Variants in APBB2 observed in about 807,000 individuals in gnomAD.
APBB2 encodes Fe65-like 1.
A neutral mutation model predicts 82.5 loss-of-function variants in APBB2; 38 were observed. The ratio of observed to expected loss-of-function variants is 0.46; its 90% CI spans 0.36 to 0.60. The LOEUF (loss-of-function observed/expected upper bound fraction) is 0.60, where lower values mean the gene tolerates loss of function less well. Ranked by LOEUF, APBB2 falls within the 20% of genes least tolerant of loss-of-function variation. The pLI is 0.00. For missense variants in APBB2, 772 were observed against 972.3 expected (o/e 0.79, Z 2.74); for synonymous variants, 341 against 368.2 (o/e 0.93, Z 0.85).
At chr4:40,981,868 G>A (rs1025066962) in intron 6 of APBB2, among the ~76,000 whole-genome samples, 2 of 152,022 alleles carry the variant, frequency 1.3e-5, no homozygotes, top group Admixed American at 6.6e-5. Flanking sequence ...AGAGGCCAAG[G>A]CAGTAGGGTT....
intron 12 of APBB2, among the ~76,000 whole-genome samples, chr4:40,831,491 C>T (rs930707578): frequency 6.6e-6 from 1 of 152,120 alleles, no homozygotes; most frequent in South Asian, 2.1e-4. Flanking sequence ...CTGAATTTCA[C>T]AGAACCCTTC....
chr4:40,894,148 C>T (rs942688450), intron 10 of APBB2, among the ~76,000 whole-genome samples: 9 of 152,050 alleles, frequency 5.9e-5, no homozygotes, highest in African/African-American at 1.7e-4. Context: ...ATTAGCCAGG[C>T]GTGGTGGTGG....
intron 6 of APBB2, among the ~76,000 whole-genome samples, chr4:40,966,043 A>G (rs1485570782): frequency 3.9e-5 from 6 of 152,260 alleles, no homozygotes; most frequent in Non-Finnish European, 8.8e-5. Flanking sequence ...AATATAACTC[A>G]TACTGAAACT....
intron 2 of APBB2, among the ~76,000 whole-genome samples, chr4:41,102,319 C>A (rs1035981467): frequency 9.9e-5 from 15 of 152,180 alleles, no homozygotes; most frequent in African/African-American, 3.6e-4. Flanking sequence ...CATTTATATA[C>A]TGTTAACTCT....
intron 12 of APBB2, among the ~76,000 whole-genome samples, chr4:40,849,275 GA>G (rs1243606051): frequency 6.6e-6 from 1 of 152,162 alleles, no homozygotes; most frequent in African/African-American, 2.4e-5. Flanking sequence ...CAAGTTCTGA[GA>G]AGATTATTAA....
intron 3 of APBB2, among the ~76,000 whole-genome samples, chr4:41,097,485 T>A (rs1743907890): frequency 6.6e-6 from 1 of 152,236 alleles, no homozygotes; most frequent in South Asian, 2.1e-4. Flanking sequence ...AAGATCCAGT[T>A]GTTTCCCTTT....
chr4:40,925,241 T>C (rs56248739), intron 10 of APBB2, among the ~76,000 whole-genome samples: 4,539 of 152,338 alleles, frequency 0.03, 197 homozygotes, highest in African/African-American at 0.092. Flanking sequence ...AACAGTATAA[T>C]GGCGAATGCA....
At chr4:41,192,457 C>CTTT (rs1266776224) in intron 1 of APBB2, among the ~76,000 whole-genome samples, 1 of 152,078 alleles carries the variant, frequency 6.6e-6, no homozygotes, top group Non-Finnish European at 1.5e-5. Flanking sequence ...ATTATTCTGC[C>CTTT]TTAAAAAAGG....
intron 4 of APBB2, among the ~76,000 whole-genome samples, chr4:41,052,390 G>C (rs1382731480): frequency 1.3e-5 from 2 of 152,128 alleles, no homozygotes; most frequent in Non-Finnish European, 2.9e-5. Flanking sequence ...CACCACACCA[G>C]TGCCTCACTC....
At chr4:40,900,129 C>T (rs559985652) in intron 10 of APBB2, among the ~76,000 whole-genome samples, 54 of 152,252 alleles carry the variant, frequency 3.5e-4, no homozygotes, top group African/African-American at 1.2e-3. Flanking sequence ...AAATGTGGCC[C>T]GACACTACAA....
At chr4:40,970,585 A>G (rs1482647645) in intron 6 of APBB2, among the ~76,000 whole-genome samples, 1 of 152,148 alleles carries the variant, frequency 6.6e-6, no homozygotes, top group East Asian at 1.9e-4. Context: ...CAGTGAGACT[A>G]GAATGCTCTG....
In APBB2 at chr4:41,127,674, T is replaced by C. The variant is rs1385186143; in HGVS notation, c.-261+15313A>G. 6.6e-6 allele frequency among the ~76,000 whole-genome samples: 1 copy of C among 152,010 alleles called. No homozygotes were observed. Among genetic ancestry groups the C allele is most frequent in the African/African-American group, 2.4e-5 (1 of 41,380 alleles). ...ACAATTCAATAAGCAAAAAAACAAA[T>C]AACTCCATTAAAAAGTGGGCAAAAG... On this transcript the variant is annotated intron_variant, in intron 2 of 17. Coordinates refer to ENST00000508593, the MANE Select transcript of APBB2 (RefSeq NM_004307.2). The surrounding 1 kb of genome is among the most constrained non-coding windows in gnomAD (Gnocchi z 4.8).
chr4:41,073,113 T>A lies in APBB2; in HGVS notation c.-148-7440A>T, dbSNP rs144441524. 1.8e-4 allele frequency among the ~76,000 whole-genome samples: 27 copies of A among 152,348 alleles called. No individual in the cohort carries two copies. In the East Asian group the frequency reaches 5.0e-3, roughly 28 times the overall value. On this transcript the variant is annotated intron_variant, in intron 3 of 17. Coordinates refer to ENST00000508593, the MANE Select transcript of APBB2 (RefSeq NM_004307.2). ...TTTTTAGACTAGGTCTTGTGCCTAG[T>A]AGTTTCTATCCAACTTTCACCACCC... is the stretch of plus-strand genomic sequence containing the variant.
chr4:41,159,955 G>GAAGAAGAAGAAGAAGAAGA (rs1764531774), intron 1 of APBB2, among the ~76,000 whole-genome samples: 1 of 48,788 alleles, frequency 2.0e-5, no homozygotes, highest in African/African-American at 8.9e-5. Flanking sequence ...GAAGGAGAAG[G>GAAGAAGAAGAAGAAGAAGA]AGAAGGAGAA....
intron 12 of APBB2, among the ~76,000 whole-genome samples, chr4:40,874,099 G>A (rs577360457): frequency 1.3e-5 from 2 of 152,254 alleles, no homozygotes; most frequent in African/African-American, 2.4e-5. Context: ...ATAAATTAAC[G>A]AGGCGAAATA....
At position 40,822,013 on chromosome 4, in the gene APBB2, A is replaced by T; in HGVS notation, c.1970T>A (p.Phe657Tyr). 6.2e-7 allele frequency: 1 copy of T among 1,614,192 alleles called. No homozygotes were observed. The highest frequency in any genetic ancestry group is 8.5e-7 in the Non-Finnish European group (1 of 1,180,054). ...CTTCCCAACACCCATGAAGGACAGG[A>T]ATCGCACACGACATTCCACTAAGAC... ...EEVLVECRVR[F>Y]LSFMGVGKDV... The change falls in exon 17 of 18, where the codon TTC becomes TAC. Residue 657 changes from phenylalanine (F) to tyrosine (Y), a missense_variant. Physicochemically the swap from Phe to Tyr is conservative, Grantham distance 22. Transcript: ENST00000508593.
intron 10 of APBB2, among the ~76,000 whole-genome samples, chr4:40,930,576 T>A (rs1578522721): frequency 6.6e-6 from 1 of 152,190 alleles, no homozygotes; most frequent in East Asian, 1.9e-4. Flanking sequence ...GAGTAGTAGC[T>A]GAAGAGGATT....
intron 2 of APBB2, among the ~76,000 whole-genome samples, chr4:41,128,370 G>C (rs1223861207): frequency 2.6e-5 from 4 of 152,170 alleles, no homozygotes; most frequent in African/African-American, 7.2e-5. Context: ...ACTTCTCAAA[G>C]AACTTAGGAC....
At chr4:41,102,646 C>T (rs1237088372) in intron 2 of APBB2, among the ~76,000 whole-genome samples, 1 of 152,172 alleles carries the variant, frequency 6.6e-6, no homozygotes, top group African/African-American at 2.4e-5. Flanking sequence ...CGGTTTCCAC[C>T]AGTGTGCTAT....
Sources: allele counts gnomAD v4.1 joint callset (sites outside exome capture counted in the v4.1 genomes callset), GRCh38; gene constraint gnomAD v4.1.1; non-coding constraint Gnocchi (gnomAD v3.1); transcripts MANE v1.5; gene names NCBI Gene and HGNC (gene_info 2026-07-23, HGNC 2026-07-21).